Variants in TGFBR3 observed in about 807,000 individuals in gnomAD.
The protein encoded by TGFBR3 is transforming growth factor beta receptor type 3.
Under a neutral mutation model 87.9 loss-of-function variants are expected in TGFBR3, and 46 were observed. The ratio of observed to expected loss-of-function variants is 0.52; its 90% CI spans 0.41 to 0.67. The LOEUF (loss-of-function observed/expected upper bound fraction) is 0.67, where lower values mean the gene tolerates loss of function less well. Ranked by LOEUF, TGFBR3 falls within the 30% of genes least tolerant of loss-of-function variation. The pLI is 0.00. For missense variants in TGFBR3, 866 were observed against 1,041.9 expected, an observed-to-expected ratio of 0.83 and a Z score of 2.32; for synonymous variants, 381 against 391.6, an observed-to-expected ratio of 0.97 and a Z score of 0.32.
chr1:91,794,243 G>C (rs1222715682), intron 3 of TGFBR3, among the ~76,000 whole-genome samples: 2 of 150,844 alleles, frequency 1.3e-5, no homozygotes, highest in African/African-American at 2.4e-5. Context: ...TCACTCTGTT[G>C]CTCAGGCTGG....
chr1:91,696,904 G>A (rs942733190), intron 15 of TGFBR3, among the ~76,000 whole-genome samples: 5 of 152,068 alleles, frequency 3.3e-5, no homozygotes, highest in African/African-American at 7.2e-5. Flanking sequence ...CCAAAGGCTC[G>A]GGGAAAGTAT....
At chr1:91,896,973 A>C (rs1411346434) in intron 2 of TGFBR3, among the ~76,000 whole-genome samples, 1 of 150,838 alleles carries the variant, frequency 6.6e-6, no homozygotes, top group Non-Finnish European at 1.5e-5. Context: ...CTTTTTTTTA[A>C]ATTAAAAAAG....
chr1:91,858,638 AT>A (rs1678059711), intron 2 of TGFBR3, among the ~76,000 whole-genome samples: 2 of 144,584 alleles, frequency 1.4e-5, no homozygotes, highest in African/African-American at 5.1e-5. Flanking sequence ...AAAAAACAAA[AT>A]TTCCCTCTTC....
intron 3 of TGFBR3, among the ~76,000 whole-genome samples, chr1:91,780,161 C>T (rs964924565): frequency 3.9e-5 from 6 of 152,124 alleles, no homozygotes; most frequent in Admixed American, 2.6e-4. Context: ...TATATAAAGG[C>T]AACATTCCCA....
intron 3 of TGFBR3, among the ~76,000 whole-genome samples, chr1:91,788,905 A>G (rs1293358193): frequency 6.6e-6 from 1 of 152,230 alleles, no homozygotes; most frequent in East Asian, 1.9e-4. Flanking sequence ...AGCCAAGGGC[A>G]GTTACCATGG....
chr1:91,718,523 T>C (rs1391772293), intron 10 of TGFBR3, among the ~76,000 whole-genome samples: 2 of 148,710 alleles, frequency 1.3e-5, no homozygotes, highest in Non-Finnish European at 3.0e-5. Flanking sequence ...CTGAGCCTTA[T>C]TTTTACCATT....
intron 5 of TGFBR3, among the ~76,000 whole-genome samples, chr1:91,733,652 C>A (rs1672851890): frequency 6.6e-6 from 1 of 152,200 alleles, no homozygotes. Context: ...TTCACACAAT[C>A]AGCCAGCTAT....
chr1:91,782,529 T>C (rs1674811878), intron 3 of TGFBR3, among the ~76,000 whole-genome samples: 1 of 152,174 alleles, frequency 6.6e-6, no homozygotes, highest in African/African-American at 2.4e-5. Context: ...TCGACTGACC[T>C]GAGGTTGAGA....
Position 91,682,306 on chromosome 1 carries a change from T to G in TGFBR3, c.*1433A>C, listed in dbSNP as rs1670934546. The stretch of plus-strand genomic sequence containing the variant: ...ATCTATCTTGTTCTACTTATGGAAT[T>G]CTAAGTTGTTTGGGGGAAATTCTGG... On this transcript the variant is annotated 3_prime_UTR_variant, in exon 17 of 17. Transcript: ENST00000212355. The G allele has an allele frequency of 2.2e-6, 1 of 453,874 alleles. No homozygotes were observed. Among genetic ancestry groups the G allele is most frequent in the Non-Finnish European group, 4.4e-6 (1 of 226,762 alleles). 28.1% of individuals were successfully genotyped at this position (453,874 alleles called of 1,614,324 possible).
intron 7 of TGFBR3, 121 bp downstream of exon 7, chr1:91,727,538 A>G: frequency 1.5e-6 from 2 of 1,325,808 alleles, no homozygotes; most frequent in Non-Finnish European, 2.1e-6. Context: ...AAAGTGAAAA[A>G]TAATTGACAG....
chr1:91,849,588 C>T (rs545542016), intron 2 of TGFBR3, among the ~76,000 whole-genome samples: 8 of 152,292 alleles, frequency 5.3e-5, no homozygotes, highest in Admixed American at 1.3e-4. Flanking sequence ...GCTTTTTATT[C>T]GACGAACCTG....
intron 2 of TGFBR3, among the ~76,000 whole-genome samples, chr1:91,830,693 A>G (rs904604622): frequency 3.3e-5 from 5 of 151,022 alleles, no homozygotes; most frequent in Non-Finnish European, 7.4e-5. Context: ...CCAATACCCC[A>G]CCCCTGACAG....
chr1:91,810,978 G>A (rs284149), intron 2 of TGFBR3, among the ~76,000 whole-genome samples: 101,852 of 152,082 alleles, frequency 0.67, 34,268 homozygotes, highest in East Asian at 0.78. Context: ...CAGGCAGGAT[G>A]AAAAGAAAAT....
In TGFBR3 at chr1:91,729,955, T is replaced by G; in HGVS notation, c.587A>C (p.Lys196Thr). The G allele has an allele frequency of 6.2e-7, 1 of 1,614,100 alleles. No individual in the cohort carries two copies. The highest frequency in any genetic ancestry group is 8.5e-7 in the Non-Finnish European group (1 of 1,180,010). The stretch of plus-strand genomic sequence containing the variant: ...GAGAAAATTCTTCCCTATGTTGCAC[T>G]TTGGAGGGAACACTTGATCTGAAAG... Reference protein sequence around the residue: ...KVGEDQVFPPKCNIGKNFLSL... With the variant: ...KVGEDQVFPPTCNIGKNFLSL... The change falls in exon 6 of 17, where the codon AAG becomes ACG. Residue 196 changes from lysine to threonine, a missense_variant. Lys to Thr is a moderately conservative substitution (Grantham distance 78, BLOSUM62 -1). Transcript: ENST00000212355.
chr1:91,902,807 CAGG>C (rs1405613688), intron 1 of TGFBR3, among the ~76,000 whole-genome samples: 1 of 151,836 alleles, frequency 6.6e-6, no homozygotes, highest in East Asian at 1.9e-4. Flanking sequence ...TGATGGAGGT[CAGG>C]AGTAGAGTTC....
chr1:91,850,479 T>C (rs1677685508), intron 2 of TGFBR3, among the ~76,000 whole-genome samples: 2 of 152,092 alleles, frequency 1.3e-5, no homozygotes, highest in South Asian at 4.1e-4. Flanking sequence ...GGGTCAATGA[T>C]GAAAACAACA....
chr1:91,787,787 G>GA (rs1328932975), intron 3 of TGFBR3, among the ~76,000 whole-genome samples: 2 of 151,502 alleles, frequency 1.3e-5, no homozygotes, highest in South Asian at 2.1e-4. Flanking sequence ...CCAACATGGT[G>GA]AAAAAAATAC....
chr1:91,685,684 A>G (rs950630561), intron 16 of TGFBR3, among the ~76,000 whole-genome samples: 63 of 151,480 alleles, frequency 4.2e-4, no homozygotes, highest in African/African-American at 1.5e-3. Context: ...ACTGCCCTCT[A>G]CTCTTCATGT....
intron 1 of TGFBR3, among the ~76,000 whole-genome samples, chr1:91,880,663 T>C (rs1679047407): frequency 6.6e-6 from 1 of 151,830 alleles, no homozygotes. Context: ...GAAATGGCAA[T>C]AAAATCACTT....
Sources: gnomAD v4.1 joint callset for allele counts (sites outside exome capture counted in the v4.1 genomes callset) on GRCh38, gnomAD v4.1.1 for gene constraint, MANE v1.5 for transcripts, NCBI Gene and HGNC (gene_info 2026-07-23, HGNC 2026-07-21) for gene names.